The following SAFB variants were observed in gnomAD, a reference collection of about 807,000 sequenced individuals.
The protein encoded by SAFB is scaffold attachment factor B, also known as scaffold attachment factor B1.
In SAFB, 15 loss-of-function variants were observed where a neutral mutation model predicts 101.6. That is an observed-to-expected ratio of 0.15 (90% CI 0.10 to 0.23). The LOEUF is 0.23. Among genes scored for constraint, SAFB ranks in the 10% least tolerant of loss-of-function variants. The pLI is 1.00. For missense variants in SAFB, 930 were observed against 1,104.1 expected, an observed-to-expected ratio of 0.84 and a Z score of 2.23; for synonymous variants, 449 against 407.5, an observed-to-expected ratio of 1.10 and a Z score of -1.23.
chr19:5,664,481 G>C, intron 17 of SAFB, 42 bp downstream of exon 17: 16 of 1,513,562 alleles, frequency 1.1e-5, no homozygotes, highest in Non-Finnish European at 1.5e-5. Flanking sequence ...ATTTCCCATA[G>C]AATGGGTTCT....
At chr19:5,652,150 G>A (rs2053953142) in intron 9 of SAFB, among the ~76,000 whole-genome samples, 1 of 151,814 alleles carries the variant, frequency 6.6e-6, no homozygotes. Context: ...CCGAGACCGT[G>A]CCACTGCACT....
chr19:5,651,445 C>G (rs951070747), intron 9 of SAFB, among the ~76,000 whole-genome samples: 2 of 152,206 alleles, frequency 1.3e-5, no homozygotes, highest in Non-Finnish European at 2.9e-5. Flanking sequence ...TGCTGGAACT[C>G]AGAACTCAGA....
intron 2 of SAFB, among the ~76,000 whole-genome samples, chr19:5,628,913 G>A (rs1214247172): frequency 6.6e-6 from 1 of 152,142 alleles, no homozygotes; most frequent in Non-Finnish European, 1.5e-5. Context: ...GCAAATACTT[G>A]TACTACAGGC....
At position 5,661,187 on chromosome 19, in the gene SAFB, C is replaced by T. The variant is rs186082247; in HGVS notation, c.1863-331C>T. Among the ~76,000 whole-genome samples, 17 of 152,222 alleles carry T rather than the reference C, an allele frequency of 1.1e-4. No individual in the cohort carries two copies. In the East Asian group the frequency reaches 3.1e-3, roughly 28 times the overall value. On this transcript the variant is annotated intron_variant, in intron 14 of 20. Coordinates refer to ENST00000588852, the MANE Select transcript of SAFB (RefSeq NM_001201338.2). ...CCACCCACCTCAGCCTCCCAAAGTGCTGGCATTACAGATGTGAGCCACCGC... is the reference window on the plus strand; with the variant it reads ...CCACCCACCTCAGCCTCCCAAAGTGTTGGCATTACAGATGTGAGCCACCGC...
At chr19:5,650,862 T>C in intron 8 of SAFB, 116 bp from the exon 9 acceptor site, 1 of 676,010 alleles carries the variant, frequency 1.5e-6, no homozygotes, top group Non-Finnish European at 2.6e-6. Context: ...ATTTGGCTTT[T>C]AGTGCTGCCA....
intron 4 of SAFB, among the ~76,000 whole-genome samples, chr19:5,644,425 A>C (rs2053783745): frequency 6.6e-6 from 1 of 152,228 alleles, no homozygotes; most frequent in African/African-American, 2.4e-5. Context: ...GGGAGGGTTC[A>C]GAATGATGTG....
chr19:5,629,264 A>T (rs538464042), intron 2 of SAFB, among the ~76,000 whole-genome samples: 2 of 152,264 alleles, frequency 1.3e-5, no homozygotes, highest in Admixed American at 6.5e-5. Flanking sequence ...GAAAAACAAA[A>T]AGTTAAATAA....
chr19:5,654,603 A>T (rs1287956814), intron 13 of SAFB, 147 bp downstream of exon 13: 1 of 652,112 alleles, frequency 1.5e-6, no homozygotes, highest in African/African-American at 1.8e-5. Flanking sequence ...ATTTTTTTTG[A>T]GACAGGTTCT....
In SAFB at chr19:5,663,884, C is replaced by A. The variant is rs944788839; in HGVS notation, c.2154-138C>A. On this transcript the variant is annotated intron_variant, in intron 15 of 20. Transcript: ENST00000588852. ...GTGCAGTCACTGGGGTCAAATCAGA[C>A]CTTGCCTCCTATAGGAGAGAACACT... 48 of 903,934 alleles carry A rather than the reference C, an allele frequency of 5.3e-5. No individual in the cohort carries two copies. The Middle Eastern group carries it at 6.9e-4, about 13-fold the overall frequency. The allele number at this position is 903,934 out of a possible 1,614,324, so 56.0% of individuals were successfully genotyped here.
At chr19:5,652,911 C>G (rs1273009807) in intron 9 of SAFB, among the ~76,000 whole-genome samples, 1 of 152,120 alleles carries the variant, frequency 6.6e-6, no homozygotes, top group East Asian at 1.9e-4. Flanking sequence ...CTCCTGGCCC[C>G]CTTGAGGAAC....
chr19:5,630,528 G>A (rs1013642742), intron 2 of SAFB, among the ~76,000 whole-genome samples: 32 of 152,300 alleles, frequency 2.1e-4, no homozygotes, highest in African/African-American at 7.7e-4. Flanking sequence ...CCACGATGCA[G>A]GTGGATCACC....
chr19:5,668,042 G>T, intron 20 of SAFB, 120 bp from the exon 21 acceptor site: 2 of 1,466,082 alleles, frequency 1.4e-6, no homozygotes, highest in Non-Finnish European at 1.8e-6. Flanking sequence ...TGCCACTCAG[G>T]AGGGGAGGGC....
intron 7 of SAFB, 136 bp from the exon 8 acceptor site, chr19:5,649,790 A>G (rs571704521): frequency 6.9e-6 from 6 of 864,716 alleles, no homozygotes; most frequent in East Asian, 5.3e-5. Context: ...CAGATTTTCA[A>G]TACAAGTTTG....
chr19:5,640,892 C>A (rs2053695270), intron 2 of SAFB, among the ~76,000 whole-genome samples: 1 of 151,604 alleles, frequency 6.6e-6, no homozygotes, highest in East Asian at 2.0e-4. Context: ...GTGCCCAGCC[C>A]CTCTGGAGTA....
rs564516939 is a variant in SAFB at position 5,644,770 on chromosome 19, G to T, written c.547-567G>T. Among the ~76,000 whole-genome samples, 8 of 152,238 alleles carry T rather than the reference G, an allele frequency of 5.3e-5. No homozygotes were observed. In the East Asian group the frequency reaches 9.6e-4, roughly 18 times the overall value. ...GTTTGGGGAATCCTTTGCCTTATTG[G>T]GCAGAGCCTACTTCTTAGAATAAAA... On this transcript the variant is annotated intron_variant, in intron 4 of 20. Coordinates refer to ENST00000588852, the MANE Select transcript of SAFB (RefSeq NM_001201338.2).
chr19:5,641,257 G>A (rs2053706751), intron 2 of SAFB, among the ~76,000 whole-genome samples: 1 of 152,316 alleles, frequency 6.6e-6, no homozygotes, highest in African/African-American at 2.4e-5. Flanking sequence ...CTAAAAGGCA[G>A]CACATTTGCA....
rs775645335 is a variant in SAFB, at chr19:5,654,475, A to T, written c.1755+19A>T. On this transcript the variant is annotated intron_variant, in intron 13 of 20. Coordinates refer to ENST00000588852, the MANE Select transcript of SAFB (RefSeq NM_001201338.2). ...AGAGAGAGTGAGTATTAATTTTCTA[A>T]CTAGGGTATTTTGCTCTTCTTTTCA... 54 of 1,399,846 alleles carry T rather than the reference A, an allele frequency of 3.9e-5. No individual in the cohort carries two copies. Among genetic ancestry groups the T allele is most frequent in the Non-Finnish European group, 1.0e-6 (1 of 985,114 alleles). 86.7% of individuals were successfully genotyped at this position (1,399,846 alleles called of 1,614,324 possible).
Position 5,624,269 on chromosome 19 carries a change from T to C in SAFB, c.189+875T>C, listed in dbSNP as rs1309928617. 2.0e-5 allele frequency among the ~76,000 whole-genome samples: 3 copies of C among 151,530 alleles called. No individual in the cohort carries two copies. The East Asian group carries it at 5.8e-4, about 29-fold the overall frequency. ...GTAAGAAGCAAAAAAGCAATAGGAC[T>C]TTGATTTGGGGATTAAATAAGTTTG... On this transcript the variant is annotated intron_variant, in intron 1 of 20. Coordinates refer to ENST00000588852, the MANE Select transcript of SAFB (RefSeq NM_001201338.2).
chr19:5,666,558 C>A (rs187792695), intron 17 of SAFB: 2 of 164,646 alleles, frequency 1.2e-5, no homozygotes, highest in Admixed American at 5.6e-5. Flanking sequence ...AGCAATTGGT[C>A]GGATGAAGGG....
Sources: allele counts gnomAD v4.1 joint callset (sites outside exome capture counted in the v4.1 genomes callset), GRCh38; gene constraint gnomAD v4.1.1; transcripts MANE v1.5; gene names NCBI Gene and HGNC (gene_info 2026-07-23, HGNC 2026-07-21).